Variants in NAV3 observed in about 807,000 individuals in gnomAD.
NAV3 encodes the protein pore membrane and/or filament interacting like protein 1.
NAV3 carries 87 observed loss-of-function variants against 244.7 expected under a neutral mutation model. The ratio of observed to expected loss-of-function variants is 0.36; its 90% CI spans 0.30 to 0.42. The LOEUF is 0.42. NAV3 is among the 20% of genes least tolerant of loss of function. The probability of loss-of-function intolerance (pLI) is 1.00; values close to 1 mark genes in which losing one functional copy is unlikely to be tolerated. For synonymous variants in NAV3, 1,126 were observed against 1,042.2 expected, an observed-to-expected ratio of 1.08 and a Z score of -1.55; for missense variants, 2,663 against 2,893.3, an observed-to-expected ratio of 0.92 and a Z score of 1.83.
At chr12:77,635,404 G>A (rs1280025555) in intron 2 of NAV3, among the ~76,000 whole-genome samples, 1 of 152,072 alleles carries the variant, frequency 6.6e-6, no homozygotes, top group Non-Finnish European at 1.5e-5. Context: ...TCTAAAAGAA[G>A]GGAATGTTTT....
chr12:77,906,785 CA>C (rs1216605193), intron 1 of NAV3, among the ~76,000 whole-genome samples: 7 of 152,072 alleles, frequency 4.6e-5, no homozygotes, highest in Admixed American at 4.6e-4. Context: ...GAATGTCTGG[CA>C]CATAGTAAAT....
chr12:77,971,361 T>C (rs1351576034), intron 5 of NAV3, among the ~76,000 whole-genome samples: 1 of 152,114 alleles, frequency 6.6e-6, no homozygotes, highest in Non-Finnish European at 1.5e-5. Flanking sequence ...AAAAGTAGTA[T>C]TCAGGACCCG....
At chr12:77,606,064 C>A (rs779540416) in intron 2 of NAV3, among the ~76,000 whole-genome samples, 2 of 152,114 alleles carry the variant, frequency 1.3e-5, no homozygotes, top group African/African-American at 4.8e-5. Context: ...TGTTGAGTTT[C>A]AGGTCTCTAG....
intron 12 of NAV3, among the ~76,000 whole-genome samples, chr12:78,082,057 G>C (rs143100062): frequency 1.3e-5 from 2 of 152,116 alleles, no homozygotes; most frequent in Admixed American, 1.3e-4. Flanking sequence ...TTCCCATGCT[G>C]TTCTTCTGCT....
At chr12:78,154,666 A>G (rs886839447) in intron 22 of NAV3, among the ~76,000 whole-genome samples, 2 of 151,848 alleles carry the variant, frequency 1.3e-5, no homozygotes, top group Non-Finnish European at 2.9e-5. Context: ...GGGGATATTT[A>G]TCATCATATT....
At chr12:77,768,764 C>A (rs1386520019) in intron 2 of NAV3, among the ~76,000 whole-genome samples, 2 of 152,214 alleles carry the variant, frequency 1.3e-5, no homozygotes, top group Non-Finnish European at 2.9e-5. Context: ...CCTGCAATCT[C>A]AGAATGAGGT....
intron 18 of NAV3, among the ~76,000 whole-genome samples, chr12:78,129,486 A>C (rs952405290): frequency 6.6e-6 from 1 of 152,182 alleles, no homozygotes; most frequent in Non-Finnish European, 1.5e-5. Context: ...TTACCAACTT[A>C]GTCATTGGGT....
chr12:78,021,959 A>G (rs1877233508), intron 9 of NAV3, 97 bp downstream of exon 9: 1 of 659,958 alleles, frequency 1.5e-6, no homozygotes, highest in South Asian at 2.2e-5. Flanking sequence ...TACTGTTTTT[A>G]GTGCAAAAAT....
At chr12:77,886,120 C>A (rs929268092) in intron 1 of NAV3, among the ~76,000 whole-genome samples, 2 of 152,102 alleles carry the variant, frequency 1.3e-5, no homozygotes, top group Non-Finnish European at 2.9e-5. Context: ...ACCAATCTTT[C>A]AACTGCTGCC....
At chr12:77,752,158 G>A (rs1286156817) in intron 2 of NAV3, among the ~76,000 whole-genome samples, 1 of 152,094 alleles carries the variant, frequency 6.6e-6, no homozygotes, top group Non-Finnish European at 1.5e-5. Context: ...TTTCTTTGAG[G>A]CTATCTTTTC....
rs368676156 is a variant in NAV3, at chr12:78,017,924, A to G, written c.1908-3823A>G. ...ACTGGAGTTAAAATCTAATTTTGCC[A>G]TAACAAATTATGAGGTGGAAATACT... On this transcript the variant is annotated intron_variant, in intron 8 of 39. Transcript: ENST00000397909. Among the ~76,000 whole-genome samples the G allele has an allele frequency of 1.8e-4, 28 of 152,296 alleles. 1 individual carries two copies. The highest frequency in any genetic ancestry group is 6.5e-4 in the African/African-American group (27 of 41,570).
chr12:78,159,162 A>G, intron 22 of NAV3, 41 bp from the exon 23 acceptor site: 1 of 1,556,646 alleles, frequency 6.4e-7, no homozygotes, highest in Non-Finnish European at 8.8e-7. Context: ...TCCACATAAG[A>G]TTCTGACATT....
intron 9 of NAV3, among the ~76,000 whole-genome samples, chr12:78,034,020 G>A (rs1452469047): frequency 6.6e-6 from 1 of 152,168 alleles, no homozygotes; most frequent in African/African-American, 2.4e-5. Context: ...CAAACAGAGT[G>A]GACATTAATG....
intron 1 of NAV3, among the ~76,000 whole-genome samples, chr12:77,832,621 T>G (rs2136090830): frequency 6.6e-6 from 1 of 152,338 alleles, no homozygotes; most frequent in African/African-American, 2.4e-5. Context: ...TTATCATGTC[T>G]TTGTGTTGCA....
chr12:78,130,376 G>C (rs1171727818), intron 18 of NAV3: 3 of 221,448 alleles, frequency 1.4e-5, no homozygotes, highest in Admixed American at 1.2e-4. Context: ...CTTCCTAGCA[G>C]CTTCCAGAAC....
At chr12:77,635,349 A>G (rs1476104161) in intron 2 of NAV3, among the ~76,000 whole-genome samples, 1 of 152,220 alleles carries the variant, frequency 6.6e-6, no homozygotes, top group African/African-American at 2.4e-5. Flanking sequence ...CATGTGCCAC[A>G]GTACCCAGCT....
At position 78,006,670 on chromosome 12, in the gene NAV3, C is replaced by T. The variant is rs779255279; in HGVS notation, c.1132C>T (p.Pro378Ser). 5.6e-6 allele frequency: 9 copies of T among 1,613,994 alleles called. No homozygotes were observed. Among genetic ancestry groups the T allele is most frequent in the Non-Finnish European group, 7.6e-6 (9 of 1,180,028 alleles). The change falls in exon 8 of 40, where the codon CCC becomes TCC. Residue 378 changes from proline to serine, a missense_variant. Physicochemically the swap from Pro to Ser is moderately conservative, Grantham distance 74 (BLOSUM62 -1). Transcript: ENST00000397909. Reference sequence around the variant, plus strand: ...TGTCTCAGAAGGGGTCAAAACTGCTCCCTCAGGACAGAAATCCATGCTTGA... The same window carrying T: ...TGTCTCAGAAGGGGTCAAAACTGCTTCCTCAGGACAGAAATCCATGCTTGA... The part of the protein sequence containing the change: ...PPVSEGVKTA[P>S]SGQKSMLEKF...
chr12:77,901,673 G>A (rs868516949), intron 1 of NAV3, among the ~76,000 whole-genome samples: 8 of 152,236 alleles, frequency 5.3e-5, no homozygotes, highest in South Asian at 2.1e-4. Context: ...TCGCACCACC[G>A]CCAGCCTGGG....
chr12:77,918,345 C>T (rs1035093521), intron 1 of NAV3, among the ~76,000 whole-genome samples: 2 of 151,952 alleles, frequency 1.3e-5, no homozygotes, highest in African/African-American at 4.8e-5. Flanking sequence ...TAAAGAAAAA[C>T]CGCTTGGCTG....
Sources: gnomAD v4.1 joint callset for allele counts (sites outside exome capture counted in the v4.1 genomes callset) on GRCh38, gnomAD v4.1.1 for gene constraint, MANE v1.5 for transcripts, NCBI Gene and HGNC (gene_info 2026-07-23, HGNC 2026-07-21) for gene names.